Variants in GRIN2A observed in about 807,000 individuals in gnomAD.
The protein encoded by GRIN2A is glutamate receptor ionotropic, NMDA 2A.
In GRIN2A, 22 loss-of-function variants were observed where a neutral mutation model predicts 113.4. The observed-to-expected ratio is 0.19, with a 90% CI of 0.14 to 0.28. The LOEUF is 0.28. Among genes scored for constraint, GRIN2A ranks in the 10% least tolerant of loss-of-function variants. The probability of loss-of-function intolerance (pLI) is 1.00; values close to 1 mark genes in which losing one functional copy is unlikely to be tolerated. For synonymous variants in GRIN2A, 827 were observed against 738.4 expected, an observed-to-expected ratio of 1.12 and a Z score of -1.94; for missense variants, 1,502 against 1,887.0, an observed-to-expected ratio of 0.80 and a Z score of 3.78.
intron 4 of GRIN2A, among the ~76,000 whole-genome samples, chr16:9,881,483 C>G (rs1246010628): frequency 6.6e-6 from 1 of 152,188 alleles, no homozygotes; most frequent in Non-Finnish European, 1.5e-5. Flanking sequence ...CATGCAGATT[C>G]AGAATCAGAA....
chr16:9,811,649 C>A (rs1231604069), intron 10 of GRIN2A, among the ~76,000 whole-genome samples: 3 of 152,144 alleles, frequency 2.0e-5, no homozygotes, highest in Admixed American at 2.0e-4. Flanking sequence ...GGTCCCAGTA[C>A]TCGGGATGCT....
At chr16:9,796,704 G>T (rs141158683) in intron 11 of GRIN2A, among the ~76,000 whole-genome samples, 1 of 152,210 alleles carries the variant, frequency 6.6e-6, no homozygotes, top group Non-Finnish European at 1.5e-5. Context: ...GCAGAAACAC[G>T]TGTGGAGCAG....
chr16:9,937,984 C>T lies in GRIN2A; in HGVS notation c.982G>A (p.Glu328Lys). Residue 328 changes from glutamate (E) to lysine (K), a missense_variant, in exon 3 of 13, where the codon GAG becomes AAG. By Grantham distance (56) the Glu-to-Lys change is moderately conservative. Around this residue, in one of 7 missense-constraint regions of GRIN2A, gnomAD observed 334 missense variants for 403.0 expected, o/e 0.83. Transcript: ENST00000330684. ...ASCYGQMERP[E>K]VPMHTLHPFM... ...GGGTGCAAGGTGTGCATCGGGACCT[C>T]TGGCCTCTCCATCTGCCCGTAGCAG... 1 of 1,613,934 alleles carries T rather than the reference C, an allele frequency of 6.2e-7. No homozygotes were observed. Among genetic ancestry groups the T allele is most frequent in the Non-Finnish European group, 8.5e-7 (1 of 1,179,884 alleles).
chr16:9,767,340 C>T (rs571192422), intron 12 of GRIN2A, among the ~76,000 whole-genome samples: 2 of 152,318 alleles, frequency 1.3e-5, no homozygotes, highest in East Asian at 3.8e-4. Flanking sequence ...ATATACAAAT[C>T]TGTTTTAAAG....
intron 2 of GRIN2A, among the ~76,000 whole-genome samples, chr16:10,013,521 C>A (rs1211480526): frequency 1.3e-5 from 2 of 152,210 alleles, no homozygotes; most frequent in African/African-American, 4.8e-5. Flanking sequence ...GCTCTTGTTT[C>A]TCCTCCACAG....
chr16:9,878,879 G>A (rs200049255), intron 4 of GRIN2A, among the ~76,000 whole-genome samples: 26 of 147,276 alleles, frequency 1.8e-4, no homozygotes, highest in East Asian at 7.9e-4. Context: ...ACACACACAC[G>A]CACACACAGT....
chr16:9,889,203 T>C (rs1372664027), intron 4 of GRIN2A, among the ~76,000 whole-genome samples: 14 of 152,192 alleles, frequency 9.2e-5, no homozygotes, highest in Non-Finnish European at 1.5e-4. Context: ...ATTGTGTTTC[T>C]TCAGAATTTG....
intron 3 of GRIN2A, among the ~76,000 whole-genome samples, chr16:9,930,474 G>A (rs994208518): frequency 2.0e-5 from 3 of 152,106 alleles, no homozygotes; most frequent in Admixed American, 6.5e-5. Context: ...CTCTCACCTC[G>A]TATCTCTTGC....
chr16:9,927,399 C>T (rs1322750482), intron 3 of GRIN2A, among the ~76,000 whole-genome samples: 1 of 152,116 alleles, frequency 6.6e-6, no homozygotes, highest in Non-Finnish European at 1.5e-5. Context: ...GAAGTCTTCC[C>T]AGGTGTTACC....
At chr16:10,139,748 T>A (rs1220216510) in intron 2 of GRIN2A, among the ~76,000 whole-genome samples, 1 of 152,226 alleles carries the variant, frequency 6.6e-6, no homozygotes, top group East Asian at 1.9e-4. Context: ...ATTTTTAATA[T>A]CAGAGAGGTT....
intron 2 of GRIN2A, among the ~76,000 whole-genome samples, chr16:10,087,321 G>A (rs1028010078): frequency 6.6e-6 from 1 of 152,194 alleles, no homozygotes; most frequent in Non-Finnish European, 1.5e-5. Flanking sequence ...CTCCCTACTG[G>A]ACAATTGGAA....
At position 9,763,897 on chromosome 16, in the gene GRIN2A, C is replaced by T. The variant is rs367543134; in HGVS notation, c.3647G>A (p.Ser1216Asn). The T allele has an allele frequency of 1.2e-6, 2 of 1,614,150 alleles. No individual in the cohort carries two copies. The highest frequency in any genetic ancestry group is 1.7e-6 in the Non-Finnish European group (2 of 1,180,014). Reference protein sequence around the residue: ...RYRQNSTHCRSCLSNMPTYSG... With the variant: ...RYRQNSTHCRNCLSNMPTYSG... ...ATAGGTGGGCATGTTGGAAAGGCAG[C>T]TTCTGCAGTGCGTGGAGTTCTGCCG... The change falls in exon 13 of 13, where the codon AGC (serine) becomes AAC (asparagine). Residue 1216 changes from serine to asparagine, a missense_variant. Physicochemically the swap from Ser to Asn is conservative, Grantham distance 46. Transcript: ENST00000330684.
rs546648877 is a variant in GRIN2A at position 9,768,377 on chromosome 16, A to C, written c.2595+474T>G. Among the ~76,000 whole-genome samples, 4 of 152,320 alleles carry C rather than the reference A, an allele frequency of 2.6e-5. No individual in the cohort carries two copies. In the East Asian group the frequency reaches 7.7e-4, roughly 29 times the overall value. On this transcript the variant is annotated intron_variant, in intron 12 of 12. Transcript: ENST00000330684. ...AAAAAATTTTTACATGGAATTAGTTACTAATATTTAAAAATGGAAAGGTTT... is the reference window on the plus strand; with the variant it reads ...AAAAAATTTTTACATGGAATTAGTTCCTAATATTTAAAAATGGAAAGGTTT...
At chr16:10,144,145 G>A (rs1327093700) in intron 2 of GRIN2A, among the ~76,000 whole-genome samples, 2 of 152,048 alleles carry the variant, frequency 1.3e-5, no homozygotes, top group African/African-American at 2.4e-5. Context: ...TTACGCTGGT[G>A]CTATTACTTT....
chr16:9,833,169 C>T (rs527671597), intron 8 of GRIN2A, among the ~76,000 whole-genome samples: 1 of 152,266 alleles, frequency 6.6e-6, no homozygotes, highest in Non-Finnish European at 1.5e-5. Flanking sequence ...ATGACATAAA[C>T]CCTGGCTAGA....
At chr16:10,009,053 A>C (rs1817771988) in intron 2 of GRIN2A, among the ~76,000 whole-genome samples, 1 of 152,204 alleles carries the variant, frequency 6.6e-6, no homozygotes, top group Non-Finnish European at 1.5e-5. Context: ...GTTATATGTC[A>C]AGTGCTGATA....
intron 4 of GRIN2A, among the ~76,000 whole-genome samples, chr16:9,878,295 G>A (rs2043411641): frequency 6.6e-6 from 1 of 152,072 alleles, no homozygotes; most frequent in African/African-American, 2.4e-5. Flanking sequence ...GTATGGCCTT[G>A]GACAAGTCAT....
intron 3 of GRIN2A, among the ~76,000 whole-genome samples, chr16:9,924,380 A>G (rs1029928513): frequency 6.6e-6 from 1 of 152,202 alleles, no homozygotes; most frequent in East Asian, 1.9e-4. Flanking sequence ...GTTTTCTTTC[A>G]GTACAAAATA....
intron 2 of GRIN2A, among the ~76,000 whole-genome samples, chr16:10,150,129 T>G (rs968466530): frequency 6.6e-6 from 1 of 152,216 alleles, no homozygotes; most frequent in African/African-American, 2.4e-5. Context: ...ACTCGGTTGT[T>G]TGGACAACAG....
Sources: gnomAD v4.1 joint callset for allele counts (sites outside exome capture counted in the v4.1 genomes callset) on GRCh38, gnomAD v4.1.1 for gene constraint, gnomAD v4.1.1 regional missense constraint, MANE v1.5 for transcripts, NCBI Gene and HGNC (gene_info 2026-07-23, HGNC 2026-07-21) for gene names.